HYOU1: variants seen among roughly 807,000 people sequenced by gnomAD.
HYOU1 encodes the protein hypoxia up-regulated 1, also known as hypoxia up-regulated protein 1.
In HYOU1, 40 loss-of-function variants were observed where a neutral mutation model predicts 120.5. The ratio of observed to expected loss-of-function variants is 0.33; its 90% CI spans 0.26 to 0.43. The LOEUF (loss-of-function observed/expected upper bound fraction) is 0.43, where lower values mean the gene tolerates loss of function less well. Among genes scored for constraint, HYOU1 ranks in the 20% least tolerant of loss-of-function variants. The pLI is 1.00. For missense variants in HYOU1, 1,085 were observed against 1,278.3 expected (o/e 0.85, Z 2.31); for synonymous variants, 501 against 479.4 (o/e 1.05, Z -0.59).
chr11:119,052,975 C>A lies in HYOU1; in HGVS notation c.795-146G>T. On this transcript the variant is annotated intron_variant, in intron 8 of 25. Transcript: ENST00000617285. This position sits in a 1 kb window ranked among gnomAD's most constrained non-coding sequence, Gnocchi z 5.0. The stretch of plus-strand genomic sequence containing the variant: ...AGTGCCCCATGTGTGGACACACACT[C>A]TGCCCTCAACTCTCTACAGCACAGC... The A allele has an allele frequency of 1.4e-6, 1 of 689,874 alleles. No individual in the cohort carries two copies. Among genetic ancestry groups the A allele is most frequent in the Non-Finnish European group, 2.4e-6 (1 of 418,082 alleles). 42.7% of individuals were successfully genotyped at this position (689,874 alleles called of 1,614,324 possible).
chr11:119,046,533 G>A (rs2133550710), intron 23 of HYOU1, 29 bp downstream of exon 23: 3 of 1,614,054 alleles, frequency 1.9e-6, no homozygotes, highest in Non-Finnish European at 2.5e-6. Context: ...CTGTCCAGCA[G>A]AACATGCAGC....
In HYOU1 at chr11:119,048,872, C is replaced by G. The variant is rs1210554306; in HGVS notation, c.2007G>C (p.Lys669Asn). ...DKSEAQKPSEKAEAGPEGVAP... is the reference protein window; with the variant it reads ...DKSEAQKPSENAEAGPEGVAP... ...CGACGCCCTCAGGCCCTGCCTCTGC[C>G]TTCTCACTTGGTTTCTGGGTGGGAA... Residue 669 changes from lysine (K) to asparagine (N), a missense_variant, in exon 18 of 26, where the codon AAG (lysine) becomes AAC (asparagine). Physicochemically the swap from Lys to Asn is moderately conservative, Grantham distance 94. Coordinates refer to ENST00000617285, the MANE Select transcript of HYOU1 (RefSeq NM_006389.5). The surrounding 1 kb of genome is among the most constrained non-coding windows in gnomAD (Gnocchi z 4.7). 1.9e-6 allele frequency: 3 copies of G among 1,607,380 alleles called. No homozygotes were observed. Among genetic ancestry groups the G allele is most frequent in the Non-Finnish European group, 2.5e-6 (3 of 1,177,246 alleles).
In HYOU1 at chr11:119,047,802, G is replaced by C; in HGVS notation, c.2527C>G (p.Pro843Ala). 6.2e-7 allele frequency: 1 copy of C among 1,613,916 alleles called. No homozygotes were observed. The highest frequency in any genetic ancestry group is 8.5e-7 in the Non-Finnish European group (1 of 1,179,978). Residue 843 changes from proline (P) to alanine (A), a missense_variant, in exon 22 of 26, where the codon CCA becomes GCA. Physicochemically the swap from Pro to Ala is conservative, Grantham distance 27. This residue lies in a region of HYOU1 where 516 missense variants were observed against 517.1 expected (regional missense o/e 1.00). Coordinates refer to ENST00000617285, the MANE Select transcript of HYOU1 (RefSeq NM_006389.5). ...TCAGTGAAGATCTGGTCCATCTCTG[G>C]GATGAGCCGGGCCCCCCTGGAAGCC... ...SMFLKGARLIPEMDQIFTEVE... is the reference protein window; with the variant it reads ...SMFLKGARLIAEMDQIFTEVE...
Position 119,046,770 on chromosome 11 carries a change from A to G in HYOU1, c.2628T>C (p.Ala876=), listed in dbSNP as rs2134677606. 2 of 1,602,226 alleles carry G rather than the reference A, an allele frequency of 1.2e-6. No homozygotes were observed. The highest frequency in any genetic ancestry group is 4.5e-5 in the East Asian group (2 of 44,886). The change falls in exon 23 of 26, where the codon GCT becomes GCC. Residue 876 remains alanine, a synonymous_variant. Transcript: ENST00000617285. ...AWKNATLAEQ[A]KLPATEKPVL... is the part of the protein sequence containing the mutation. ...CAGGCTTCTCTGTGGCGGGCAGCTT[A>G]GCCTGCTCGGCCAGAGTTGCATTCT...
Position 119,054,422 on chromosome 11 carries a change from A to G in HYOU1, c.678+72T>C, listed in dbSNP as rs2133604650. On this transcript the variant is annotated intron_variant, in intron 7 of 25. Coordinates refer to ENST00000617285, the MANE Select transcript of HYOU1 (RefSeq NM_006389.5). ...CAGCCCAGCCATGCAAACCAGATGCAAAAGGGACCAAGTGGCCTCCATCCT... is the reference window on the plus strand; with the variant it reads ...CAGCCCAGCCATGCAAACCAGATGCGAAAGGGACCAAGTGGCCTCCATCCT... 8.2e-5 allele frequency: 124 copies of G among 1,513,222 alleles called. No homozygotes were observed. In the African/African-American group the frequency reaches 1.5e-3, roughly 18 times the overall value. 93.7% of individuals were successfully genotyped at this position (1,513,222 alleles called of 1,614,324 possible).
chr11:119,056,297 C>A (rs1310135080), intron 1 of HYOU1, 130 bp from the exon 2 acceptor site: 1 of 716,868 alleles, frequency 1.4e-6, no homozygotes, highest in Non-Finnish European at 2.5e-6. Flanking sequence ...GATCAGCCTA[C>A]TTCTCCCCTT....
rs2133545387 is a variant in HYOU1 at position 119,045,843 on chromosome 11, A to C, written c.2888-12T>G. 5.0e-6 allele frequency: 8 copies of C among 1,612,280 alleles called. No homozygotes were observed. Among genetic ancestry groups the C allele is most frequent in the Non-Finnish European group, 6.8e-6 (8 of 1,179,580 alleles). On this transcript the variant is annotated splice_polypyrimidine_tract_variant and intron_variant, in intron 24 of 25. Coordinates refer to ENST00000617285, the MANE Select transcript of HYOU1 (RefSeq NM_006389.5). Reference sequence around the variant, plus strand: ...TCCTGGCTCGGATCCTGCTTTGGGAAGAAACAGGTTAGTCTCCTCAGAAGG... The same window carrying C: ...TCCTGGCTCGGATCCTGCTTTGGGACGAAACAGGTTAGTCTCCTCAGAAGG...
chr11:119,056,232 A>T, intron 1 of HYOU1, 65 bp from the exon 2 acceptor site: 1 of 1,129,140 alleles, frequency 8.9e-7, no homozygotes, highest in Non-Finnish European at 1.3e-6. Flanking sequence ...ACAGAATCAC[A>T]TCCCAGAACG....
At position 119,051,485 on chromosome 11, in the gene HYOU1, G is replaced by T. The variant is rs1279603968; in HGVS notation, c.1479C>A (p.Phe493Leu). The T allele has an allele frequency of 5.0e-6, 8 of 1,614,032 alleles. No individual in the cohort carries two copies. The highest frequency in any genetic ancestry group is 5.9e-6 in the Non-Finnish European group (7 of 1,180,024). The change falls in exon 13 of 26, where the codon TTC becomes TTA. Residue 493 changes from phenylalanine to leucine, a missense_variant. Transcript: ENST00000617285. This position sits in a 1 kb window ranked among gnomAD's most constrained non-coding sequence, Gnocchi z 4.2. ...TFNRYSHDFN[F>L]HINYGDLGFL... ...AGCCCAGGTCGCCGTAGTTGATGTG[G>T]AAGTTGAAATCATGGCTGTAGCGGT...
At chr11:119,047,238 G>A (rs950203960) in intron 22 of HYOU1, 3 of 191,900 alleles carry the variant, frequency 1.6e-5, no homozygotes, top group South Asian at 9.8e-5. Flanking sequence ...TAGTAGAGAC[G>A]GGGTTTCACC....
chr11:119,052,325 C>A lies in HYOU1; in HGVS notation c.1092G>T (p.Gln364His). Residue 364 changes from glutamine to histidine, a missense_variant, in exon 10 of 26, where the codon CAG (glutamine) becomes CAT (histidine). Gln to His is a conservative substitution (Grantham distance 24). Around this residue, in one of 4 missense-constraint regions of HYOU1, gnomAD observed 515 missense variants for 677.8 expected, o/e 0.76. Transcript: ENST00000617285. This position sits in a 1 kb window ranked among gnomAD's most constrained non-coding sequence, Gnocchi z 5.0. ...TCATTTCGGCACTCTGGAGGGCCTG[C>A]TGTACAGGCCCAGGCACCCGCTCAA... ...DLFERVPGPV[Q>H]QALQSAEMSL... 6.2e-7 allele frequency: 1 copy of A among 1,614,212 alleles called. No homozygotes were observed. Among genetic ancestry groups the A allele is most frequent in the Non-Finnish European group, 8.5e-7 (1 of 1,180,024 alleles).
chr11:119,047,793 C>A lies in HYOU1; in HGVS notation c.2536G>T (p.Asp846Tyr), dbSNP rs2133558193. Residue 846 changes from aspartate to tyrosine, a missense_variant, in exon 22 of 26, where the codon GAC (aspartate) becomes TAC (tyrosine). This residue lies in a region of HYOU1 where 516 missense variants were observed against 517.1 expected (regional missense o/e 1.00). Transcript: ENST00000617285. ...ATCTCCACCTCAGTGAAGATCTGGTCCATCTCTGGGATGAGCCGGGCCCCC... is the reference window on the plus strand; with the variant it reads ...ATCTCCACCTCAGTGAAGATCTGGTACATCTCTGGGATGAGCCGGGCCCCC... ...LKGARLIPEM[D>Y]QIFTEVEMTT... 7 of 1,613,976 alleles carry A rather than the reference C, an allele frequency of 4.3e-6. No individual in the cohort carries two copies.
rs1437186360 is a variant in HYOU1, at chr11:119,052,430, C to G, written c.988-1G>C. 5 of 1,614,216 alleles carry G rather than the reference C, an allele frequency of 3.1e-6. No homozygotes were observed. The highest frequency in any genetic ancestry group is 8.5e-7 in the Non-Finnish European group (1 of 1,180,034). ...CCACATCATCCATCAGGCCTTCAAT[C>G]TGGGAGAGGATGGGGACTGTCAGGG... is the stretch of plus-strand genomic sequence containing the variant. On this transcript the variant is annotated splice_acceptor_variant, in intron 9 of 25. Coordinates refer to ENST00000617285, the MANE Select transcript of HYOU1 (RefSeq NM_006389.5). LOFTEE classifies it high-confidence loss of function. This position sits in a 1 kb window ranked among gnomAD's most constrained non-coding sequence, Gnocchi z 5.0.
Position 119,052,469 on chromosome 11 carries a change from C to T in HYOU1, c.988-40G>A, listed in dbSNP as rs2133593195. ...GGACTGTCAGGGGGTTCTTGCCCAG[C>T]TCCCGCTCTCTTGGTGAGTAGGACA... is the stretch of plus-strand genomic sequence containing the variant. On this transcript the variant is annotated intron_variant, in intron 9 of 25. Transcript: ENST00000617285. This position sits in a 1 kb window ranked among gnomAD's most constrained non-coding sequence, Gnocchi z 5.0. 1 of 1,613,666 alleles carries T rather than the reference C, an allele frequency of 6.2e-7. No homozygotes were observed. The highest frequency in any genetic ancestry group is 1.7e-5 in the Admixed American group (1 of 60,022).
Position 119,051,862 on chromosome 11 carries a change from A to G in HYOU1, c.1295T>C (p.Val432Ala). The G allele has an allele frequency of 6.2e-7, 1 of 1,614,142 alleles. No individual in the cohort carries two copies. Among genetic ancestry groups the G allele is most frequent in the South Asian group, 1.1e-5 (1 of 91,088 alleles). ...QAAALSKAFK[V>A]KPFVVRDAVV... is the part of the protein sequence containing the mutation. The stretch of plus-strand genomic sequence containing the variant: ...TGCATCTCGGACGACAAATGGCTTC[A>G]CTTTAAAGGCTTTGCTGAGCGCAGC... Residue 432 changes from valine (V) to alanine (A), a missense_variant, in exon 12 of 26, where the codon GTG (valine) becomes GCG (alanine). Physicochemically the swap from Val to Ala is moderately conservative, Grantham distance 64. Coordinates refer to ENST00000617285, the MANE Select transcript of HYOU1 (RefSeq NM_006389.5). The surrounding 1 kb of genome is among the most constrained non-coding windows in gnomAD (Gnocchi z 4.2).
rs2133610472 is a variant in HYOU1 at position 119,055,155 on chromosome 11, C to T, written c.419+30G>A. The T allele has an allele frequency of 3.4e-4, 555 of 1,611,240 alleles. 1 individual carries two copies. The highest frequency in any genetic ancestry group is 1.3e-3 in the Admixed American group (78 of 59,862). On this transcript the variant is annotated intron_variant, in intron 5 of 25. Transcript: ENST00000617285. The surrounding 1 kb of genome is among the most constrained non-coding windows in gnomAD (Gnocchi z 4.0). ...CCAATGAGGAGCCCAGCAGCGTTGCCGAGACCACCTTCCCCAACAGAGCAC... is the reference window on the plus strand; with the variant it reads ...CCAATGAGGAGCCCAGCAGCGTTGCTGAGACCACCTTCCCCAACAGAGCAC...
Position 119,048,061 on chromosome 11 carries a change from G to T in HYOU1, c.2396C>A (p.Ala799Asp). 3 of 1,614,226 alleles carry T rather than the reference G, an allele frequency of 1.9e-6. No individual in the cohort carries two copies. Among genetic ancestry groups the T allele is most frequent in the Non-Finnish European group, 2.5e-6 (3 of 1,180,048 alleles). The change falls in exon 21 of 26, where the codon GCT (alanine) becomes GAT (aspartate). Residue 799 changes from alanine (A) to aspartate (D), a missense_variant. Coordinates refer to ENST00000617285, the MANE Select transcript of HYOU1 (RefSeq NM_006389.5). This position sits in a 1 kb window ranked among gnomAD's most constrained non-coding sequence, Gnocchi z 4.7. ...CCCTTGGCACAGCTTCCTCAGCTCA[G>T]CCAGCTTCTCCTTCAACATCTGATG... ...ATTVMLKEKL[A>D]ELRKLCQGLF...
chr11:119,054,810 A>G (rs2133608180), intron 6 of HYOU1, 135 bp from the exon 7 acceptor site: 4 of 1,102,918 alleles, frequency 3.6e-6, no homozygotes, highest in Non-Finnish European at 5.2e-6. Flanking sequence ...GATGTTGAGC[A>G]GCATCCCCGG....
chr11:119,051,268 C>T lies in HYOU1; in HGVS notation c.1527-95G>A, dbSNP rs1301045715. 2 of 1,555,728 alleles carry T rather than the reference C, an allele frequency of 1.3e-6. No individual in the cohort carries two copies. Among genetic ancestry groups the T allele is most frequent in the South Asian group, 1.2e-5 (1 of 84,778 alleles). ...CTCCTGGCACAAGGTGTCAGGGGCA[C>T]TCCCCAAGGGCACACTCAAGAGGAC... On this transcript the variant is annotated intron_variant, in intron 13 of 25. Transcript: ENST00000617285. The surrounding 1 kb of genome is among the most constrained non-coding windows in gnomAD (Gnocchi z 4.2).
Sources: allele counts gnomAD v4.1 joint callset, GRCh38; gene constraint gnomAD v4.1.1; regional missense constraint gnomAD v4.1.1; non-coding constraint Gnocchi (gnomAD v3.1); transcripts MANE v1.5; gene names NCBI Gene and HGNC (gene_info 2026-07-23, HGNC 2026-07-21).